Variants in OR9Q1 observed in about 807,000 individuals in gnomAD.
OR9Q1 encodes the protein olfactory receptor 9Q1.
For missense variants in OR9Q1, 374 were observed against 378.8 expected (o/e 0.99, Z 0.11); for synonymous variants, 153 against 148.6 (o/e 1.03, Z -0.22).
At chr11:58,046,529 A>G (rs187366943) in intron 1 of OR9Q1, among the ~76,000 whole-genome samples, 1 of 152,342 alleles carries the variant, frequency 6.6e-6, no homozygotes, top group East Asian at 1.9e-4. Context: ...AGGAAACTGC[A>G]GGAGGCATGA....
chr11:58,158,078 GAACTA>G (rs1854424208), intron 2 of OR9Q1, among the ~76,000 whole-genome samples: 1 of 152,168 alleles, frequency 6.6e-6, no homozygotes, highest in South Asian at 2.1e-4. Flanking sequence ...GGCCTCATGG[GAACTA>G]GACTCCAGGA....
At chr11:58,045,623 T>G (rs1175340632) in intron 1 of OR9Q1, among the ~76,000 whole-genome samples, 1 of 152,198 alleles carries the variant, frequency 6.6e-6, no homozygotes, top group African/African-American at 2.4e-5. Context: ...CATGAGTGCA[T>G]GACAAGTGCT....
chr11:58,170,201 T>A (rs1324756675), intron 2 of OR9Q1, among the ~76,000 whole-genome samples: 1 of 152,164 alleles, frequency 6.6e-6, no homozygotes, highest in Non-Finnish European at 1.5e-5. Context: ...CGAGGACTTG[T>A]ATCATTTACA....
intron 2 of OR9Q1, among the ~76,000 whole-genome samples, chr11:58,061,676 G>A (rs1438622847): frequency 1.3e-5 from 2 of 152,136 alleles, no homozygotes; most frequent in Admixed American, 6.6e-5. Flanking sequence ...TTGATTTTTA[G>A]GGACTCTGGG....
chr11:58,159,632 G>A (rs573418145), intron 2 of OR9Q1, among the ~76,000 whole-genome samples: 2 of 152,338 alleles, frequency 1.3e-5, no homozygotes, highest in African/African-American at 4.8e-5. Context: ...TTGGCTTTGT[G>A]TGAAGAATTG....
chr11:58,176,033 T>G (rs1367520326), intron 2 of OR9Q1, among the ~76,000 whole-genome samples: 2 of 152,194 alleles, frequency 1.3e-5, no homozygotes, highest in African/African-American at 2.4e-5. Flanking sequence ...AAGATTTTAA[T>G]GAGGCACTTG....
chr11:58,114,361 ACT>A (rs1331545368), intron 2 of OR9Q1, among the ~76,000 whole-genome samples: 4 of 151,620 alleles, frequency 2.6e-5, no homozygotes, highest in Admixed American at 2.6e-4. Flanking sequence ...TGAAAGAGAG[ACT>A]CTCTCCTTTT....
intron 2 of OR9Q1, among the ~76,000 whole-genome samples, chr11:58,177,454 G>GT (rs1181147349): frequency 6.6e-6 from 1 of 152,208 alleles, no homozygotes; most frequent in Non-Finnish European, 1.5e-5. Flanking sequence ...CCTACCTCAT[G>GT]TAGTGGTTGT....
chr11:58,093,380 A>G (rs940182446), intron 2 of OR9Q1, among the ~76,000 whole-genome samples: 1 of 152,184 alleles, frequency 6.6e-6, no homozygotes, highest in African/African-American at 2.4e-5. Context: ...GACATTTTTC[A>G]AAGGAAAACA....
chr11:58,058,890 T>C (rs897170011), intron 2 of OR9Q1, among the ~76,000 whole-genome samples: 1 of 152,000 alleles, frequency 6.6e-6, no homozygotes, highest in Non-Finnish European at 1.5e-5. Context: ...CTGGGCACTG[T>C]GCGGAGGAAG....
intron 2 of OR9Q1, among the ~76,000 whole-genome samples, chr11:58,126,093 A>G (rs1261665695): frequency 6.6e-6 from 1 of 152,158 alleles, no homozygotes; most frequent in African/African-American, 2.4e-5. Flanking sequence ...TACTTCATTC[A>G]TGTCTATACT....
At chr11:58,028,823 CTTGT>C (rs898445696) in intron 1 of OR9Q1, among the ~76,000 whole-genome samples, 7 of 152,250 alleles carry the variant, frequency 4.6e-5, no homozygotes, top group African/African-American at 1.4e-4. Context: ...AAACTTTGGA[CTTGT>C]TTATTTCTGA....
At chr11:58,158,555 C>T (rs965012712) in intron 2 of OR9Q1, among the ~76,000 whole-genome samples, 1 of 151,916 alleles carries the variant, frequency 6.6e-6, no homozygotes, top group Non-Finnish European at 1.5e-5. Context: ...GAAGAGACTA[C>T]CAATCCTTAC....
At position 58,109,228 on chromosome 11, in the gene OR9Q1, A is replaced by G. The variant is rs1202544761; in HGVS notation, c.-15+53281A>G. On this transcript the variant is annotated intron_variant, in intron 2 of 2. Coordinates refer to ENST00000335397, the MANE Select transcript of OR9Q1 (RefSeq NM_001005212.4). ...CACCCCACAGATGAAGGCACTGGCC[A>G]AAAAGACCCTGCAGGTACCTGGAGT... 6.4e-6 allele frequency: 3 copies of G among 466,506 alleles called. No individual in the cohort carries two copies. In the Admixed American group the frequency reaches 7.0e-5, roughly 11 times the overall value. 28.9% of individuals were successfully genotyped at this position (466,506 alleles called of 1,614,324 possible). A position where few individuals can be genotyped will look rare whatever the true frequency, so the allele number is the denominator to read the frequency against.
intron 1 of OR9Q1, among the ~76,000 whole-genome samples, chr11:58,027,040 C>A (rs972575978): frequency 6.6e-5 from 10 of 152,132 alleles, no homozygotes; most frequent in Non-Finnish European, 1.3e-4. Flanking sequence ...TTTCTAGAAT[C>A]ATTCAGTTTA....
rs939825597 is a variant in OR9Q1 at position 58,047,768 on chromosome 11, C to G, written c.-92-8102C>G. The stretch of plus-strand genomic sequence containing the variant: ...CCGTGATGGTGGGCACAAGTAATCT[C>G]AGCTACTCAGGAGGCTGAGGCAGAA... On this transcript the variant is annotated intron_variant, in intron 1 of 2. Transcript: ENST00000335397. 1.2e-4 allele frequency among the ~76,000 whole-genome samples: 18 copies of G among 151,828 alleles called. No homozygotes were observed. In the Middle Eastern group the frequency reaches 0.014, roughly 115 times the overall value.
intron 2 of OR9Q1, among the ~76,000 whole-genome samples, chr11:58,083,483 C>G (rs772736205): frequency 2.2e-4 from 34 of 151,984 alleles, no homozygotes; most frequent in Non-Finnish European, 4.3e-4. Context: ...TCCCACTTGT[C>G]AATTTTTGGT....
intron 2 of OR9Q1, among the ~76,000 whole-genome samples, chr11:58,059,231 A>T (rs1123307): frequency 0.22 from 34,017 of 152,114 alleles, 5,054 homozygotes; most frequent in East Asian, 0.6. Context: ...CAGAGAGGTA[A>T]AGATGTGCTA....
At chr11:58,168,620 T>C (rs1174651076) in intron 2 of OR9Q1, among the ~76,000 whole-genome samples, 2 of 152,160 alleles carry the variant, frequency 1.3e-5, no homozygotes, top group Admixed American at 1.3e-4. Flanking sequence ...CTCTTTTTTT[T>C]CCCTTTGGAC....
Sources: gnomAD v4.1 joint callset for allele counts (sites outside exome capture counted in the v4.1 genomes callset) on GRCh38, gnomAD v4.1.1 for gene constraint, MANE v1.5 for transcripts, NCBI Gene and HGNC (gene_info 2026-07-23, HGNC 2026-07-21) for gene names.